Variants in ERBB4 observed in about 807,000 individuals in gnomAD.
The protein encoded by ERBB4 is erb-b2 receptor tyrosine kinase 4.
Under a neutral mutation model 158.0 loss-of-function variants are expected in ERBB4, and 42 were observed. That is an observed-to-expected ratio of 0.27 (90% CI 0.21 to 0.34). The LOEUF (loss-of-function observed/expected upper bound fraction) is 0.34, where lower values mean the gene tolerates loss of function less well. Ranked by LOEUF, ERBB4 falls within the 10% of genes least tolerant of loss-of-function variation. The probability of loss-of-function intolerance (pLI) is 1.00; values close to 1 mark genes in which losing one functional copy is unlikely to be tolerated. For missense variants in ERBB4, 1,333 were observed against 1,624.1 expected (o/e 0.82, Z 3.08); for synonymous variants, 583 against 558.7 (o/e 1.04, Z -0.61).
chr2:212,239,820 A>T (rs890562919), intron 1 of ERBB4, among the ~76,000 whole-genome samples: 10 of 152,218 alleles, frequency 6.6e-5, no homozygotes, highest in African/African-American at 2.4e-4. Flanking sequence ...AAAGACAAGA[A>T]TGTTTTTATC....
intron 19 of ERBB4, among the ~76,000 whole-genome samples, chr2:211,612,947 A>C (rs1440734483): frequency 6.6e-6 from 1 of 152,060 alleles, no homozygotes; most frequent in Non-Finnish European, 1.5e-5. Context: ...TGGTAGGGAC[A>C]ATAGGGTGGA....
chr2:212,446,591 G>GTATATATATATATATATA lies in ERBB4; in HGVS notation c.82+91840_82+91857dup, dbSNP rs71057412. ...TTAATAAACTCCCATATATATATAT[G>GTATATATATATATATATA]TATATATATATATATATATATATAT... On this transcript the variant is annotated intron_variant, in intron 1 of 27. Coordinates refer to ENST00000342788, the MANE Select transcript of ERBB4 (RefSeq NM_005235.3). Among the ~76,000 whole-genome samples, 23 of 27,492 alleles carry GTATATATATATATATATA rather than the reference G, an allele frequency of 8.4e-4. 3 individuals carry two copies. Among genetic ancestry groups the GTATATATATATATATATA allele is most frequent in the East Asian group, 2.3e-3 (2 of 880 alleles). 18.0% of individuals were successfully genotyped at this position (27,492 alleles called of 152,430 possible).
At chr2:211,888,572 C>T (rs139812686) in intron 3 of ERBB4, among the ~76,000 whole-genome samples, 1,820 of 152,062 alleles carry the variant, frequency 0.012, 41 homozygotes, top group African/African-American at 0.041. Context: ...GGAACAGCTC[C>T]GGTCTACAGC....
intron 20 of ERBB4, among the ~76,000 whole-genome samples, chr2:211,485,426 C>T (rs1034054699): frequency 6.6e-6 from 1 of 152,100 alleles, no homozygotes; most frequent in Non-Finnish European, 1.5e-5. Context: ...TCTAACAATT[C>T]ACCCTATCTG....
chr2:211,931,865 G>A (rs981883071), intron 3 of ERBB4, among the ~76,000 whole-genome samples: 6 of 152,144 alleles, frequency 3.9e-5, no homozygotes, highest in African/African-American at 1.4e-4. Flanking sequence ...ATTGAGAACT[G>A]CATAAGAAAA....
At chr2:211,817,998 A>G (rs1453707904) in intron 3 of ERBB4, among the ~76,000 whole-genome samples, 2 of 152,260 alleles carry the variant, frequency 1.3e-5, no homozygotes, top group Admixed American at 1.3e-4. Context: ...GTTACTCTAA[A>G]GTAGTTCATT....
At chr2:211,649,710 TTACTC>T (rs1439711315) in intron 16 of ERBB4, among the ~76,000 whole-genome samples, 1 of 151,892 alleles carries the variant, frequency 6.6e-6, no homozygotes, top group Non-Finnish European at 1.5e-5. Flanking sequence ...ATGGAACACT[TTACTC>T]TGAGCAGAAG....
Position 212,023,750 on chromosome 2 carries a change from T to C in ERBB4, c.235-76134A>G, listed in dbSNP as rs557979419. 1.3e-4 allele frequency among the ~76,000 whole-genome samples: 20 copies of C among 152,016 alleles called. No homozygotes were observed. In the South Asian group the frequency reaches 4.1e-3, roughly 31 times the overall value. On this transcript the variant is annotated intron_variant, in intron 2 of 27. Transcript: ENST00000342788. ...AAAGAAAACAATTTTATTGCTCTGA[T>C]GAGTAGATTCAATTAAATCAAATGT...
intron 3 of ERBB4, among the ~76,000 whole-genome samples, chr2:211,793,511 T>C (rs1035982674): frequency 1.1e-4 from 17 of 151,828 alleles, no homozygotes; most frequent in Non-Finnish European, 2.4e-4. Context: ...AGAATCAAAA[T>C]CCAAGGCAGC....
intron 3 of ERBB4, among the ~76,000 whole-genome samples, chr2:211,849,631 A>G (rs187933021): frequency 2.3e-4 from 35 of 152,100 alleles, no homozygotes; most frequent in Admixed American, 4.6e-4. Context: ...TTGAAGATGT[A>G]GAGAAGCCTA....
chr2:212,299,465 G>T (rs775311139), intron 1 of ERBB4, among the ~76,000 whole-genome samples: 2 of 151,470 alleles, frequency 1.3e-5, no homozygotes, highest in Non-Finnish European at 3.0e-5. Context: ...ATATAAAAAG[G>T]CATACATTCT....
chr2:211,582,753 C>T (rs967645152), intron 19 of ERBB4, among the ~76,000 whole-genome samples: 16 of 152,234 alleles, frequency 1.1e-4, no homozygotes, highest in East Asian at 7.7e-4. Context: ...AATGTCTATA[C>T]ATTAAAATTC....
At chr2:211,432,831 C>T (rs1185031051) in intron 20 of ERBB4, among the ~76,000 whole-genome samples, 5 of 152,086 alleles carry the variant, frequency 3.3e-5, no homozygotes, top group Non-Finnish European at 5.9e-5. Context: ...CAGATAAGGT[C>T]TGTATATTAA....
At chr2:211,973,468 TG>T (rs1196822015) in intron 2 of ERBB4, among the ~76,000 whole-genome samples, 1 of 152,182 alleles carries the variant, frequency 6.6e-6, no homozygotes, top group Non-Finnish European at 1.5e-5. Flanking sequence ...CCCAAAGTGC[TG>T]GGATTAAAGG....
chr2:212,453,236 G>A (rs143972007), intron 1 of ERBB4, among the ~76,000 whole-genome samples: 57 of 152,168 alleles, frequency 3.7e-4, no homozygotes, highest in Admixed American at 1.6e-3. Context: ...TACCCCCTCC[G>A]CATATAGACT....
At position 212,353,476 on chromosome 2, in the gene ERBB4, A is replaced by G. The variant is rs139939211; in HGVS notation, c.82+184973T>C. ...AATATTTTATAATATATACATATATAAAATACAAATTATTTCCTAGACAGA... is the reference window on the plus strand; with the variant it reads ...AATATTTTATAATATATACATATATGAAATACAAATTATTTCCTAGACAGA... On this transcript the variant is annotated intron_variant, in intron 1 of 27. Transcript: ENST00000342788. Among the ~76,000 whole-genome samples, 984 of 150,222 alleles carry G rather than the reference A, an allele frequency of 6.6e-3. 18 individuals carry two copies. The highest frequency in any genetic ancestry group is 0.022 in the African/African-American group (915 of 41,208).
chr2:212,052,832 T>C (rs1269898856), intron 2 of ERBB4, among the ~76,000 whole-genome samples: 1 of 152,214 alleles, frequency 6.6e-6, no homozygotes, highest in East Asian at 1.9e-4. Flanking sequence ...TCTCCTGCTA[T>C]ATAAATACCC....
intron 25 of ERBB4, among the ~76,000 whole-genome samples, chr2:211,419,387 A>T (rs538792943): frequency 6.6e-6 from 1 of 152,116 alleles, no homozygotes; most frequent in Non-Finnish European, 1.5e-5. Context: ...AAAGAAAATT[A>T]TGTTTGTTAG....
At chr2:212,164,446 T>G (rs2081289700) in intron 1 of ERBB4, among the ~76,000 whole-genome samples, 1 of 152,026 alleles carries the variant, frequency 6.6e-6, no homozygotes, top group African/African-American at 2.4e-5. Context: ...GCCTTCATAT[T>G]TCTAATGAAA....
Sources: allele counts gnomAD v4.1 joint callset (sites outside exome capture counted in the v4.1 genomes callset), GRCh38; gene constraint gnomAD v4.1.1; transcripts MANE v1.5; gene names NCBI Gene and HGNC (gene_info 2026-07-23, HGNC 2026-07-21).